The following APBB2 variants were observed in gnomAD, a reference collection of about 807,000 sequenced individuals.
APBB2 encodes the protein amyloid beta precursor protein binding family B member 2.
APBB2 carries 38 observed loss-of-function variants against 82.5 expected under a neutral mutation model. That is an observed-to-expected ratio of 0.46 (90% CI 0.36 to 0.60). APBB2 has a LOEUF of 0.60. APBB2 is among the 20% of genes least tolerant of loss of function. APBB2 has a pLI of 0.00. For synonymous variants in APBB2, 341 were observed against 368.2 expected (o/e 0.93, Z 0.85); for missense variants, 772 against 972.3 (o/e 0.79, Z 2.74).
intron 3 of APBB2, among the ~76,000 whole-genome samples, chr4:41,075,386 G>A (rs1735319595): frequency 6.6e-6 from 1 of 152,196 alleles, no homozygotes; most frequent in Admixed American, 6.5e-5. Flanking sequence ...ACTCGGCCTT[G>A]ATTCTGCTGT....
chr4:41,155,154 T>C (rs2154030147), intron 1 of APBB2, among the ~76,000 whole-genome samples: 1 of 152,392 alleles, frequency 6.6e-6, no homozygotes, highest in East Asian at 1.9e-4. Flanking sequence ...CCACAGTGTA[T>C]GAAACACCAA....
intron 1 of APBB2, among the ~76,000 whole-genome samples, chr4:41,171,167 C>T (rs2154053610): frequency 6.6e-6 from 1 of 152,336 alleles, no homozygotes; most frequent in Non-Finnish European, 1.5e-5. Flanking sequence ...ACTTTAGTTA[C>T]ATGAGTCTCT....
intron 3 of APBB2, among the ~76,000 whole-genome samples, chr4:41,079,737 C>T (rs1457978798): frequency 1.3e-5 from 2 of 152,068 alleles, no homozygotes; most frequent in East Asian, 3.9e-4. Flanking sequence ...TTAGTAGAGA[C>T]GGGGTTTCAC....
chr4:40,848,621 C>T (rs550617055), intron 12 of APBB2, among the ~76,000 whole-genome samples: 1 of 152,308 alleles, frequency 6.6e-6, no homozygotes, highest in South Asian at 2.1e-4. Flanking sequence ...TAATTAAGTG[C>T]TGTGTTTGGT....
chr4:40,976,768 G>A (rs925033843), intron 6 of APBB2, among the ~76,000 whole-genome samples: 2 of 152,174 alleles, frequency 1.3e-5, no homozygotes, highest in Non-Finnish European at 2.9e-5. Flanking sequence ...ATGGGGCAAG[G>A]TGGCTCATGC....
At chr4:41,201,367 A>G (rs1776653516) in intron 1 of APBB2, among the ~76,000 whole-genome samples, 1 of 152,224 alleles carries the variant, frequency 6.6e-6, no homozygotes, top group African/African-American at 2.4e-5. Context: ...TAGTTGAATA[A>G]AAAGCATTTT....
chr4:41,078,007 A>C (rs1736229659), intron 3 of APBB2, among the ~76,000 whole-genome samples: 1 of 152,238 alleles, frequency 6.6e-6, no homozygotes, highest in South Asian at 2.1e-4. Flanking sequence ...CCAAGCAACA[A>C]AATTTTAATG....
At chr4:41,095,043 A>G (rs1235180220) in intron 3 of APBB2, among the ~76,000 whole-genome samples, 1 of 152,242 alleles carries the variant, frequency 6.6e-6, no homozygotes, top group African/African-American at 2.4e-5. Context: ...GGATGCAAGG[A>G]GGATATTAAA....
rs994606554 is a variant in APBB2, at chr4:41,144,076, G to A, written c.-416-934C>T. ...TGAACATTAAGAGCTAATAGATTAA[G>A]AAGTCTTCATTTGTTAATTATAGTA... On this transcript the variant is annotated intron_variant, in intron 1 of 17. Coordinates refer to ENST00000508593, the MANE Select transcript of APBB2 (RefSeq NM_004307.2). 2.6e-5 allele frequency among the ~76,000 whole-genome samples: 4 copies of A among 152,252 alleles called. 1 individual carries two copies. Among genetic ancestry groups the A allele is most frequent in the African/African-American group, 9.6e-5 (4 of 41,464 alleles).
chr4:40,901,213 C>T (rs1775183902), intron 10 of APBB2, among the ~76,000 whole-genome samples: 1 of 152,116 alleles, frequency 6.6e-6, no homozygotes, highest in African/African-American at 2.4e-5. Context: ...CTCATAGGGT[C>T]CTGGCATGAT....
Position 41,157,139 on chromosome 4 carries a change from T to TA in APBB2, c.-416-13998dup, listed in dbSNP as rs529854089. On this transcript the variant is annotated intron_variant, in intron 1 of 17. Transcript: ENST00000508593. ...AGAAGGGATTAGGGATAAAGTGTTT[T>TA]AAAGCGCTTGGCACAGTGCCTGGCA... Among the ~76,000 whole-genome samples the TA allele has an allele frequency of 1.5e-4, 23 of 152,002 alleles. No homozygotes were observed. In the South Asian group the frequency reaches 4.8e-3, roughly 32 times the overall value.
At chr4:41,112,760 C>T (rs543138502) in intron 2 of APBB2, among the ~76,000 whole-genome samples, 3 of 152,214 alleles carry the variant, frequency 2.0e-5, no homozygotes, top group South Asian at 2.1e-4. Context: ...GAGGCCAAGG[C>T]GGGTGGATCA....
chr4:41,156,473 C>T (rs1031241649), intron 1 of APBB2, among the ~76,000 whole-genome samples: 8 of 152,204 alleles, frequency 5.3e-5, no homozygotes, highest in African/African-American at 1.9e-4. Flanking sequence ...GCTTCATTCA[C>T]TCATTCATTT....
intron 1 of APBB2, among the ~76,000 whole-genome samples, chr4:41,200,592 A>T (rs1204482757): frequency 6.6e-6 from 1 of 152,270 alleles, no homozygotes; most frequent in African/African-American, 2.4e-5. Flanking sequence ...TTCTCAGGAC[A>T]GAATGCTCAA....
intron 10 of APBB2, among the ~76,000 whole-genome samples, chr4:40,898,655 C>G (rs73148582): frequency 2.6e-5 from 4 of 151,960 alleles, no homozygotes; most frequent in African/African-American, 9.7e-5. Flanking sequence ...AAAGCCAGCA[C>G]GTGGAGATGT....
chr4:40,813,594 G>A lies in APBB2; in HGVS notation c.*2498C>T, dbSNP rs551666749. 7 of 152,214 alleles carry A rather than the reference G, an allele frequency of 4.6e-5. No homozygotes were observed. The South Asian group carries it at 8.3e-4, about 18-fold the overall frequency. 9.4% of individuals were successfully genotyped at this position (152,214 alleles called of 1,614,324 possible). On this transcript the variant is annotated 3_prime_UTR_variant, in exon 18 of 18. Transcript: ENST00000508593. The stretch of plus-strand genomic sequence containing the variant: ...TACAATGCCATTTTCAAAACAAAAC[G>A]TCTGCAAAGTTTTCAATATGTAAAG...
intron 6 of APBB2, among the ~76,000 whole-genome samples, chr4:40,969,477 C>T (rs940661645): frequency 1.3e-5 from 2 of 152,154 alleles, no homozygotes; most frequent in Non-Finnish European, 2.9e-5. Flanking sequence ...TTACTGACAA[C>T]ATAGACAACA....
At chr4:41,032,970 A>G (rs1445964985) in intron 5 of APBB2, among the ~76,000 whole-genome samples, 1 of 150,550 alleles carries the variant, frequency 6.6e-6, no homozygotes, top group African/African-American at 2.4e-5. Flanking sequence ...TTTTTAGTAG[A>G]GACGGGGTTT....
intron 6 of APBB2, among the ~76,000 whole-genome samples, chr4:40,963,750 T>C (rs778572845): frequency 3.9e-5 from 6 of 152,218 alleles, no homozygotes; most frequent in Non-Finnish European, 8.8e-5. Flanking sequence ...TTGGCAAACA[T>C]CAGTGGGACC....
Sources: allele counts gnomAD v4.1 joint callset (sites outside exome capture counted in the v4.1 genomes callset), GRCh38; gene constraint gnomAD v4.1.1; transcripts MANE v1.5; gene names NCBI Gene and HGNC (gene_info 2026-07-23, HGNC 2026-07-21).